The following SMG8 variants were observed in gnomAD, a reference collection of about 807,000 sequenced individuals.
SMG8 encodes the protein nonsense-mediated mRNA decay factor SMG8.
A neutral mutation model predicts 82.1 loss-of-function variants in SMG8; 49 were observed. The observed-to-expected ratio is 0.60, with a 90% CI of 0.47 to 0.76. The LOEUF is 0.76. Ranked by LOEUF, SMG8 falls within the 30% of genes least tolerant of loss-of-function variation. The probability of loss-of-function intolerance (pLI) is 0.00; values close to 1 mark genes in which losing one functional copy is unlikely to be tolerated. For synonymous variants in SMG8, 404 were observed against 430.0 expected, an observed-to-expected ratio of 0.94 and a Z score of 0.75; for missense variants, 969 against 1,166.4, an observed-to-expected ratio of 0.83 and a Z score of 2.46.
Position 59,212,761 on chromosome 17 carries a change from T to A in SMG8, c.1938T>A (p.Asp646Glu). ...AAGAAAAGTGTTGTGGAAAATTGGATCATATCAATTTCCCAGTATTTGAAC... is the reference window on the plus strand; with the variant it reads ...AAGAAAAGTGTTGTGGAAAATTGGAACATATCAATTTCCCAGTATTTGAAC... ...LLEEKCCGKL[D>E]HINFPVFEPS... The change falls in exon 3 of 4, where the codon GAT becomes GAA. Residue 646 changes from aspartate to glutamate, a missense_variant. By Grantham distance (45) the Asp-to-Glu change is conservative. This residue lies in a region of SMG8 where 662 missense variants were observed against 884.8 expected (regional missense o/e 0.75). Transcript: ENST00000300917. 1 of 1,608,888 alleles carries A rather than the reference T, an allele frequency of 6.2e-7. No homozygotes were observed. The highest frequency in any genetic ancestry group is 8.5e-7 in the Non-Finnish European group (1 of 1,178,846).
Position 59,210,261 on chromosome 17 carries a change from G to A in SMG8, c.210G>A (p.Thr70=), listed in dbSNP as rs2046939352. The change falls in exon 1 of 4, where the codon ACG becomes ACA. Residue 70 remains threonine, a synonymous_variant. Transcript: ENST00000300917. ...LNSEKFSLVN[T]VCDRQVFPLF... ...CCGAGAAGTTCTCTCTTGTGAATACGGTGTGCGACCGACAGGTCTTTCCTC... is the reference window on the plus strand; with the variant it reads ...CCGAGAAGTTCTCTCTTGTGAATACAGTGTGCGACCGACAGGTCTTTCCTC... 5.6e-6 allele frequency: 9 copies of A among 1,612,818 alleles called. No homozygotes were observed. The highest frequency in any genetic ancestry group is 2.2e-5 in the South Asian group (2 of 90,968).
Position 59,211,395 on chromosome 17 carries a change from G to C in SMG8, c.1344G>C (p.Trp448Cys), listed in dbSNP as rs1227404140. Residue 448 changes from tryptophan (W) to cysteine (C), a missense_variant, in exon 1 of 4, where the codon TGG becomes TGC. This residue lies in a region of SMG8 where 662 missense variants were observed against 884.8 expected (regional missense o/e 0.75). Transcript: ENST00000300917. The part of the protein sequence containing the change: ...SHFELPTYQK[W>C]ISAASKLYEV... ...TTGAACTTCCTACTTATCAGAAGTG[G>C]ATCTCAGCAGCTTCAAAACTGTATG... 2 of 1,614,066 alleles carry C rather than the reference G, an allele frequency of 1.2e-6. No homozygotes were observed. The highest frequency in any genetic ancestry group is 2.7e-5 in the African/African-American group (2 of 74,926).
In SMG8 at chr17:59,212,965, A is replaced by G. The variant is rs374191325; in HGVS notation, c.2142A>G (p.Gln714=). The change falls in exon 3 of 4, where the codon CAA becomes CAG. Residue 714 remains glutamine (Q), a synonymous_variant. Coordinates refer to ENST00000300917, the MANE Select transcript of SMG8 (RefSeq NM_018149.7). ...TAGGTACCTATCCAGCTGATCCACA[A>G]GCAGGAGGAGATAATCCAGAAGTTC... The part of the protein sequence containing the change: ...DSLGTYPADP[Q]AGGDNPEVHG... 6.4e-5 allele frequency: 103 copies of G among 1,614,088 alleles called. No individual in the cohort carries two copies. The highest frequency in any genetic ancestry group is 8.4e-5 in the Non-Finnish European group (99 of 1,180,044).
Position 59,211,696 on chromosome 17 carries a change from A to G in SMG8, c.1645A>G (p.Met549Val), listed in dbSNP as rs1255617152. 2 of 1,614,084 alleles carry G rather than the reference A, an allele frequency of 1.2e-6. No homozygotes were observed. The highest frequency in any genetic ancestry group is 8.5e-7 in the Non-Finnish European group (1 of 1,180,012). The change falls in exon 1 of 4, where the codon ATG becomes GTG. Residue 549 changes from methionine (M) to valine (V), a missense_variant. Around this residue, in one of 3 missense-constraint regions of SMG8, gnomAD observed 662 missense variants for 884.8 expected, o/e 0.75. Coordinates refer to ENST00000300917, the MANE Select transcript of SMG8 (RefSeq NM_018149.7). The stretch of plus-strand genomic sequence containing the variant: ...AGGTCCAGCATTTCACAAATACGCC[A>G]TGCAGTTACATGAGGACTGCTACAA... ...ARGPAFHKYA[M>V]QLHEDCYKFW...
rs2046944534 is a variant in SMG8 at position 59,211,222 on chromosome 17, T to G, written c.1171T>G (p.Ser391Ala). The change falls in exon 1 of 4, where the codon TCC becomes GCC. Residue 391 changes from serine to alanine, a missense_variant. Around this residue, in one of 3 missense-constraint regions of SMG8, gnomAD observed 662 missense variants for 884.8 expected, o/e 0.75. Coordinates refer to ENST00000300917, the MANE Select transcript of SMG8 (RefSeq NM_018149.7). ...VMRQHSRQQL[S>A]FHIDSSSSSS... ...GAGGCAGCACAGCCGACAACAACTT[T>G]CCTTTCACATTGACAGCAGCAGTTC... The G allele has an allele frequency of 6.2e-7, 1 of 1,614,174 alleles. No homozygotes were observed. The highest frequency in any genetic ancestry group is 8.5e-7 in the Non-Finnish European group (1 of 1,179,994).
chr17:59,214,441 C>T (rs190377936), intron 3 of SMG8, among the ~76,000 whole-genome samples: 15 of 152,098 alleles, frequency 9.9e-5, no homozygotes, highest in African/African-American at 2.4e-4. Context: ...GAGACAGTCT[C>T]GCTCTGTTGC....
In SMG8 at chr17:59,210,238, G is replaced by C. The variant is rs1568331742; in HGVS notation, c.187G>C (p.Glu63Gln). Residue 63 changes from glutamate to glutamine, a missense_variant, in exon 1 of 4, where the codon GAG becomes CAG. Physicochemically the swap from Glu to Gln is conservative, Grantham distance 29 (BLOSUM62 2). Transcript: ENST00000300917. Reference protein sequence around the residue: ...FGKTALRLNSEKFSLVNTVCD... With the variant: ...FGKTALRLNSQKFSLVNTVCD... Reference sequence around the variant, plus strand: ...CAAGACGGCTCTACGCCTGAATTCCGAGAAGTTCTCTCTTGTGAATACGGT... The same window carrying C: ...CAAGACGGCTCTACGCCTGAATTCCCAGAAGTTCTCTCTTGTGAATACGGT... The C allele has an allele frequency of 2.5e-6, 4 of 1,611,202 alleles. No homozygotes were observed. The highest frequency in any genetic ancestry group is 1.3e-5 in the African/African-American group (1 of 74,974).
chr17:59,214,629 G>T (rs773662605), intron 3 of SMG8, among the ~76,000 whole-genome samples, 176 bp from the exon 4 acceptor site: 2 of 151,970 alleles, frequency 1.3e-5, no homozygotes, highest in African/African-American at 4.8e-5. Context: ...GGCTGGTCTC[G>T]AACTCCTGAC....
In SMG8 at chr17:59,210,043, C is replaced by A; in HGVS notation, c.-9C>A. ...CGGACCGGAAGGACTCTAGAGAACG[C>A]TCTGCACTATGGCTGGTCCCGTGAG... is the stretch of plus-strand genomic sequence containing the variant. On this transcript the variant is annotated 5_prime_UTR_variant, in exon 1 of 4. Transcript: ENST00000300917. 6.5e-7 allele frequency: 1 copy of A among 1,530,492 alleles called. No individual in the cohort carries two copies. Among genetic ancestry groups the A allele is most frequent in the Non-Finnish European group, 8.7e-7 (1 of 1,145,844 alleles). 94.8% of individuals were successfully genotyped at this position (1,530,492 alleles called of 1,614,324 possible).
chr17:59,211,671 A>T lies in SMG8; in HGVS notation c.1620A>T (p.Arg540Ser). 6.2e-7 allele frequency: 1 copy of T among 1,614,112 alleles called. No homozygotes were observed. Among genetic ancestry groups the T allele is most frequent in the South Asian group, 1.1e-5 (1 of 91,062 alleles). The stretch of plus-strand genomic sequence containing the variant: ...TTCGAGTGTACAGTCAACATGCTAG[A>T]GGTCCAGCATTTCACAAATACGCCA... Reference protein sequence around the residue: ...QALRVYSQHARGPAFHKYAMQ... With the variant: ...QALRVYSQHASGPAFHKYAMQ... Residue 540 changes from arginine to serine, a missense_variant, in exon 1 of 4, where the codon AGA (arginine) becomes AGT (serine). By Grantham distance (110) the Arg-to-Ser change is moderately radical (BLOSUM62 -1). Around this residue, in one of 3 missense-constraint regions of SMG8, gnomAD observed 662 missense variants for 884.8 expected, o/e 0.75. Coordinates refer to ENST00000300917, the MANE Select transcript of SMG8 (RefSeq NM_018149.7).
chr17:59,210,320 C>T lies in SMG8; in HGVS notation c.269C>T (p.Pro90Leu). 6.2e-7 allele frequency: 1 copy of T among 1,613,122 alleles called. No homozygotes were observed. The highest frequency in any genetic ancestry group is 2.2e-5 in the East Asian group (1 of 44,864). Residue 90 changes from proline to leucine, a missense_variant, in exon 1 of 4, where the codon CCT becomes CTT. By Grantham distance (98) the Pro-to-Leu change is moderately conservative. Coordinates refer to ENST00000300917, the MANE Select transcript of SMG8 (RefSeq NM_018149.7). ...FRHQDPGDPG[P>L]GIRTEAGAVG... ...CACCAAGATCCTGGGGATCCAGGAC[C>T]TGGAATCAGAACTGAGGCTGGCGCC...
intron 1 of SMG8, 53 bp downstream of exon 1, chr17:59,211,863 A>G (rs2046947197): frequency 6.9e-7 from 1 of 1,444,472 alleles, no homozygotes; most frequent in South Asian, 1.4e-5. Flanking sequence ...CTGTGTTTTC[A>G]TTCTTGTTTT....
chr17:59,212,343 G>A lies in SMG8; in HGVS notation c.1762G>A (p.Glu588Lys). The change falls in exon 2 of 4, where the codon GAA (glutamate) becomes AAA (lysine). Residue 588 changes from glutamate to lysine, a missense_variant and splice_region_variant. Around this residue, in one of 3 missense-constraint regions of SMG8, gnomAD observed 662 missense variants for 884.8 expected, o/e 0.75. Coordinates refer to ENST00000300917, the MANE Select transcript of SMG8 (RefSeq NM_018149.7). Reference sequence around the variant, plus strand: ...ATAGTGGCTGTTATATTTTCCAGGAGAAAAACCAGAGGCTGATAGAAATCC... The same window carrying A: ...ATAGTGGCTGTTATATTTTCCAGGAAAAAAACCAGAGGCTGATAGAAATCC... ...HKFHSLPKSGEKPEADRNPPV... is the reference protein window; with the variant it reads ...HKFHSLPKSGKKPEADRNPPV... The A allele has an allele frequency of 6.4e-7, 1 of 1,555,366 alleles. No individual in the cohort carries two copies. Among genetic ancestry groups the A allele is most frequent in the African/African-American group, 1.4e-5 (1 of 73,784 alleles).
At position 59,211,046 on chromosome 17, in the gene SMG8, A is replaced by T. The variant is rs1220213032; in HGVS notation, c.995A>T (p.Asn332Ile). 1 of 1,614,166 alleles carries T rather than the reference A, an allele frequency of 6.2e-7. No individual in the cohort carries two copies. Among genetic ancestry groups the T allele is most frequent in the Non-Finnish European group, 8.5e-7 (1 of 1,180,038 alleles). Residue 332 changes from asparagine to isoleucine, a missense_variant, in exon 1 of 4, where the codon AAC becomes ATC. Coordinates refer to ENST00000300917, the MANE Select transcript of SMG8 (RefSeq NM_018149.7). ...AACTGCCTCTTTACTGTGCCTGCCA[A>T]CCAAGCTTTCGTGTACATAGTACCG... is the stretch of plus-strand genomic sequence containing the variant. ...SINCLFTVPA[N>I]QAFVYIVPGS...
rs1478057141 is a variant in SMG8 at position 59,210,183 on chromosome 17, G to T, written c.132G>T (p.Glu44Asp). ...GCGGACCGGAGCCTCCATGGCGGGAGGATGAGATCTGCGTTGTGGGAATCT... is the reference window on the plus strand; with the variant it reads ...GCGGACCGGAGCCTCCATGGCGGGATGATGAGATCTGCGTTGTGGGAATCT... Reference protein sequence around the residue: ...AAGGPEPPWREDEICVVGIFG... With the variant: ...AAGGPEPPWRDDEICVVGIFG... Residue 44 changes from glutamate (E) to aspartate (D), a missense_variant, in exon 1 of 4, where the codon GAG (glutamate) becomes GAT (aspartate). Glu to Asp is a conservative substitution (Grantham distance 45). Around this residue, in one of 3 missense-constraint regions of SMG8, gnomAD observed 206 missense variants for 190.5 expected, o/e 1.08. Coordinates refer to ENST00000300917, the MANE Select transcript of SMG8 (RefSeq NM_018149.7). 1.9e-6 allele frequency: 3 copies of T among 1,594,410 alleles called. No individual in the cohort carries two copies. In the African/African-American group the frequency reaches 4.0e-5, roughly 21 times the overall value.
intron 3 of SMG8, 105 bp downstream of exon 3, chr17:59,213,706 G>GCGTTAGCCTCAAAA: frequency 1.4e-6 from 2 of 1,412,536 alleles, no homozygotes; most frequent in Non-Finnish European, 1.9e-6. Flanking sequence ...ATTATTTCAG[G>GCGTTAGCCTCAAAA]CTGAGGGCAG....
chr17:59,214,767 A>G lies in SMG8; in HGVS notation c.2779-38A>G, dbSNP rs2046960084. 1.0e-5 allele frequency: 9 copies of G among 862,584 alleles called. No homozygotes were observed. In the East Asian group the frequency reaches 2.2e-4, roughly 21 times the overall value. The allele number at this position is 862,584 out of a possible 1,614,324, so 53.4% of individuals were successfully genotyped here. A position where few individuals can be genotyped will look rare whatever the true frequency, so the allele number is the denominator to read the frequency against. On this transcript the variant is annotated intron_variant, in intron 3 of 3. Transcript: ENST00000300917. ...TTTATCTTTCAGTTGTTTCATATTG[A>G]GAAATGTGAAAATAATTATACTACC...
chr17:59,210,686 T>C lies in SMG8; in HGVS notation c.635T>C (p.Leu212Pro). The C allele has an allele frequency of 6.2e-7, 1 of 1,614,176 alleles. No individual in the cohort carries two copies. Among genetic ancestry groups the C allele is most frequent in the Non-Finnish European group, 8.5e-7 (1 of 1,180,022 alleles). ...TTCTCTGTCTGTCATATCTTGCTTC[T>C]GGTCCATCCCACTTGTTCCTTTGAT... ...YLFSVCHILL[L>P]VHPTCSFDIT... Residue 212 changes from leucine to proline, a missense_variant, in exon 1 of 4, where the codon CTG becomes CCG. This residue lies in a region of SMG8 where 662 missense variants were observed against 884.8 expected (regional missense o/e 0.75). Coordinates refer to ENST00000300917, the MANE Select transcript of SMG8 (RefSeq NM_018149.7).
chr17:59,213,085 T>C lies in SMG8; in HGVS notation c.2262T>C (p.Asn754=), dbSNP rs749138354. ...ATCTCCCAGGCATGCTACATTCAAA[T>C]TGCCCTAAAGGTCTCCTACCCAAAT... ...VEYLPGMLHS[N]CPKGLLPKFS... Residue 754 remains asparagine, a synonymous_variant, in exon 3 of 4, where the codon AAT becomes AAC. Coordinates refer to ENST00000300917, the MANE Select transcript of SMG8 (RefSeq NM_018149.7). 1 of 1,614,098 alleles carries C rather than the reference T, an allele frequency of 6.2e-7. No homozygotes were observed. The highest frequency in any genetic ancestry group is 1.3e-5 in the African/African-American group (1 of 74,938).
Sources: allele counts gnomAD v4.1 joint callset (sites outside exome capture counted in the v4.1 genomes callset), GRCh38; gene constraint gnomAD v4.1.1; regional missense constraint gnomAD v4.1.1; transcripts MANE v1.5; gene names NCBI Gene and HGNC (gene_info 2026-07-23, HGNC 2026-07-21).